The following KCNQ3 variants were observed in gnomAD, a reference collection of about 807,000 sequenced individuals.
KCNQ3 encodes potassium voltage-gated channel subfamily KQT member 3.
A neutral mutation model predicts 92.5 loss-of-function variants in KCNQ3; 30 were observed. The observed-to-expected ratio is 0.32, with a 90% CI of 0.24 to 0.44. The LOEUF (loss-of-function observed/expected upper bound fraction) is 0.44, where lower values mean the gene tolerates loss of function less well. Ranked by LOEUF, KCNQ3 falls within the 20% of genes least tolerant of loss-of-function variation. The pLI, the probability that KCNQ3 is intolerant of heterozygous loss-of-function variation, is 1.00. For synonymous variants in KCNQ3, 450 were observed against 468.8 expected, an observed-to-expected ratio of 0.96 and a Z score of 0.52; for missense variants, 913 against 1,140.3, an observed-to-expected ratio of 0.80 and a Z score of 2.87.
intron 1 of KCNQ3, among the ~76,000 whole-genome samples, chr8:132,449,271 C>T (rs1418874722): frequency 6.6e-6 from 1 of 152,110 alleles, no homozygotes; most frequent in Non-Finnish European, 1.5e-5. Flanking sequence ...CTTCTCCAGC[C>T]AATGGCAGAG....
intron 1 of KCNQ3, among the ~76,000 whole-genome samples, chr8:132,204,251 T>A (rs922153436): frequency 1.3e-5 from 2 of 152,212 alleles, no homozygotes; most frequent in Admixed American, 6.5e-5. Context: ...AGATCCTGCA[T>A]CTCCAACACC....
intron 1 of KCNQ3, among the ~76,000 whole-genome samples, chr8:132,239,737 T>C (rs1814926775): frequency 6.6e-6 from 1 of 152,208 alleles, no homozygotes; most frequent in Non-Finnish European, 1.5e-5. Context: ...CAGTTAAAGA[T>C]AGCAGAGCAA....
chr8:132,447,633 A>G (rs542141095), intron 1 of KCNQ3, among the ~76,000 whole-genome samples: 2 of 152,220 alleles, frequency 1.3e-5, no homozygotes, highest in South Asian at 4.1e-4. Context: ...AAATCAATAG[A>G]AGTGCCTAAA....
intron 1 of KCNQ3, among the ~76,000 whole-genome samples, chr8:132,462,424 G>A (rs112346795): frequency 2.6e-5 from 4 of 152,170 alleles, no homozygotes; most frequent in Non-Finnish European, 5.9e-5. Flanking sequence ...TTGACCTCAA[G>A]TGATCTACCC....
At chr8:132,449,265 T>C (rs1250179028) in intron 1 of KCNQ3, among the ~76,000 whole-genome samples, 2 of 152,048 alleles carry the variant, frequency 1.3e-5, no homozygotes, top group South Asian at 4.2e-4. Flanking sequence ...GCATCCCTTC[T>C]CCAGCCAATG....
chr8:132,242,216 T>C (rs1455197401), intron 1 of KCNQ3, among the ~76,000 whole-genome samples: 1 of 152,200 alleles, frequency 6.6e-6, no homozygotes, highest in Non-Finnish European at 1.5e-5. Context: ...TGGTATCTAA[T>C]AGCTTTTTAC....
At chr8:132,433,933 G>A (rs1821317455) in intron 1 of KCNQ3, among the ~76,000 whole-genome samples, 1 of 151,370 alleles carries the variant, frequency 6.6e-6, no homozygotes, top group African/African-American at 2.4e-5. Context: ...AATAGGCCGG[G>A]CACGGTGGCT....
intron 1 of KCNQ3, among the ~76,000 whole-genome samples, chr8:132,235,309 C>CCGT (rs1200739953): frequency 2.6e-5 from 4 of 152,136 alleles, no homozygotes; most frequent in Non-Finnish European, 5.9e-5. Flanking sequence ...TCGAGACCAG[C>CCGT]CTGACCAACA....
At chr8:132,144,483 G>A (rs1176947802) in intron 9 of KCNQ3, among the ~76,000 whole-genome samples, 2 of 152,214 alleles carry the variant, frequency 1.3e-5, no homozygotes, top group African/African-American at 4.8e-5. Flanking sequence ...TGCAAGAAAA[G>A]CCTTCCCCAG....
intron 1 of KCNQ3, among the ~76,000 whole-genome samples, chr8:132,398,731 G>A (rs1022692630): frequency 6.6e-6 from 1 of 152,252 alleles, no homozygotes; most frequent in Non-Finnish European, 1.5e-5. Flanking sequence ...GGGAGCATGA[G>A]AGTAAGGAAC....
intron 1 of KCNQ3, among the ~76,000 whole-genome samples, chr8:132,295,678 A>G (rs914417891): frequency 1.3e-5 from 2 of 152,238 alleles, no homozygotes; most frequent in Admixed American, 6.5e-5. Flanking sequence ...TGTGGTACAT[A>G]TACACCATGG....
chr8:132,238,570 A>C (rs549109903), intron 1 of KCNQ3, among the ~76,000 whole-genome samples: 6 of 152,104 alleles, frequency 3.9e-5, no homozygotes, highest in African/African-American at 1.2e-4. Flanking sequence ...TGCAAACACT[A>C]TCTCTCTCCT....
At chr8:132,281,536 GTATATGTGTGTGTA>G (rs1279775142) in intron 1 of KCNQ3, among the ~76,000 whole-genome samples, 1,122 of 106,420 alleles carry the variant, frequency 0.011, 8 homozygotes, top group African/African-American at 0.032. Context: ...GTGTGTGTGT[GTATATGTGTGTGTA>G]TATATATATA....
intron 1 of KCNQ3, among the ~76,000 whole-genome samples, chr8:132,379,552 CTT>C (rs1819691214): frequency 1.3e-5 from 2 of 152,192 alleles, no homozygotes; most frequent in Admixed American, 6.5e-5. Context: ...CTTTTTCCCT[CTT>C]CCCTTCCCAA....
At chr8:132,244,528 A>T (rs1263210092) in intron 1 of KCNQ3, among the ~76,000 whole-genome samples, 1 of 152,200 alleles carries the variant, frequency 6.6e-6, no homozygotes, top group Non-Finnish European at 1.5e-5. Context: ...TTACCCAGAA[A>T]GATCAAAAGA....
At chr8:132,190,996 T>G (rs954576222) in intron 1 of KCNQ3, among the ~76,000 whole-genome samples, 7 of 152,216 alleles carry the variant, frequency 4.6e-5, no homozygotes, top group African/African-American at 1.7e-4. Flanking sequence ...AACCAATGTA[T>G]GTTTAGAGAA....
chr8:132,195,701 C>A (rs1411669324), intron 1 of KCNQ3, among the ~76,000 whole-genome samples: 1 of 152,108 alleles, frequency 6.6e-6, no homozygotes, highest in Non-Finnish European at 1.5e-5. Context: ...CCAGGTTCCC[C>A]CCAAATCAGA....
At chr8:132,430,898 T>C (rs1587012248) in intron 1 of KCNQ3, among the ~76,000 whole-genome samples, 2 of 152,286 alleles carry the variant, frequency 1.3e-5, no homozygotes, top group South Asian at 4.1e-4. Context: ...GGGGGCTCAA[T>C]AGAGTCGCTC....
rs1383628302 is a variant in KCNQ3, at chr8:132,122,741, C to T, written c.*6521G>A. 1.3e-5 allele frequency: 2 copies of T among 152,160 alleles called. No homozygotes were observed. The highest frequency in any genetic ancestry group is 4.8e-5 in the African/African-American group (2 of 41,434). 9.4% of individuals were successfully genotyped at this position (152,160 alleles called of 1,614,324 possible). A position where few individuals can be genotyped will look rare whatever the true frequency, so the allele number is the denominator to read the frequency against. Reference sequence around the variant, plus strand: ...CCTGACTCAGGAGAACTGAAACATCCTACCACAGGGATTCACAAGGACTGC... The same window carrying T: ...CCTGACTCAGGAGAACTGAAACATCTTACCACAGGGATTCACAAGGACTGC... On this transcript the variant is annotated 3_prime_UTR_variant, in exon 15 of 15. Coordinates refer to ENST00000388996, the MANE Select transcript of KCNQ3 (RefSeq NM_004519.4).
Sources: allele counts gnomAD v4.1 joint callset (sites outside exome capture counted in the v4.1 genomes callset), GRCh38; gene constraint gnomAD v4.1.1; transcripts MANE v1.5; gene names NCBI Gene and HGNC (gene_info 2026-07-23, HGNC 2026-07-21).